EIF2S2: variants seen among roughly 807,000 people sequenced by gnomAD.
EIF2S2 encodes the protein eukaryotic translation initiation factor 2 subunit 2.
EIF2S2 carries 4 observed loss-of-function variants against 44.0 expected under a neutral mutation model. The observed-to-expected ratio is 0.09, with a 90% CI of 0.04 to 0.21. The LOEUF is 0.21. EIF2S2 is among the 10% of genes least tolerant of loss of function. EIF2S2 has a pLI of 1.00. For missense variants in EIF2S2, 154 were observed against 392.0 expected (o/e 0.39, Z 5.13); for synonymous variants, 108 against 128.3 (o/e 0.84, Z 1.07).
intron 5 of EIF2S2, among the ~76,000 whole-genome samples, 161 bp downstream of exon 5, chr20:34,097,255 C>T (rs566304034): frequency 1.1e-4 from 17 of 152,220 alleles, no homozygotes; most frequent in Admixed American, 5.2e-4. Context: ...GGCTGCCCCA[C>T]GGGTGCGCAC....
intron 1 of EIF2S2, chr20:34,108,027 G>A (rs1307966139): frequency 6.6e-6 from 1 of 152,170 alleles, no homozygotes; most frequent in Admixed American, 6.5e-5. Flanking sequence ...TAGAAATAGG[G>A]AGACTTGGCA....
chr20:34,104,896 TTTATAG>T (rs1281552274), intron 2 of EIF2S2, among the ~76,000 whole-genome samples: 1 of 152,250 alleles, frequency 6.6e-6, no homozygotes, highest in Non-Finnish European at 1.5e-5. Context: ...ACATACAATG[TTTATAG>T]AAACATTTCT....
intron 3 of EIF2S2, among the ~76,000 whole-genome samples, chr20:34,099,725 G>A (rs1158490333): frequency 6.6e-6 from 1 of 152,068 alleles, no homozygotes; most frequent in Non-Finnish European, 1.5e-5. Context: ...TCCCACATTC[G>A]CCATCAAGAG....
chr20:34,096,786 T>C lies in EIF2S2; in HGVS notation c.554A>G (p.Asn185Ser). 1.9e-6 allele frequency: 3 copies of C among 1,609,302 alleles called. No individual in the cohort carries two copies. Among genetic ancestry groups the C allele is most frequent in the South Asian group, 1.1e-5 (1 of 89,992 alleles). ...ATCTGGATTCTTTTCCCTCATGATG[T>C]TGAACACTCGATTCAGCAGCTATAA... ...TYEELLNRVFNIMREKNPDMV... is the reference protein window; with the variant it reads ...TYEELLNRVFSIMREKNPDMV... Residue 185 changes from asparagine to serine, a missense_variant, in exon 6 of 9, where the codon AAC (asparagine) becomes AGC (serine). By Grantham distance (46) the Asn-to-Ser change is conservative (BLOSUM62 1). Transcript: ENST00000374980.
chr20:34,111,605 T>C (rs574296576), intron 1 of EIF2S2, among the ~76,000 whole-genome samples: 1 of 152,156 alleles, frequency 6.6e-6, no homozygotes, highest in South Asian at 2.1e-4. Flanking sequence ...TAAAAAACAA[T>C]GCTAGGAAGG....
intron 7 of EIF2S2, among the ~76,000 whole-genome samples, chr20:34,091,978 TAAACTGATAGG>T (rs2034171290): frequency 6.6e-6 from 1 of 152,156 alleles, no homozygotes. Flanking sequence ...TACTTAATGA[TAAACTGATAGG>T]AAACTGTTGA....
intron 1 of EIF2S2, among the ~76,000 whole-genome samples, chr20:34,110,207 GA>G (rs1555813938): frequency 3.3e-5 from 5 of 152,022 alleles, no homozygotes; most frequent in Non-Finnish European, 5.9e-5. Context: ...TCCACTCTGG[GA>G]AAGTCCTTGG....
In EIF2S2 at chr20:34,088,482, AC is replaced by A. The variant is rs1329590668; in HGVS notation, c.*1247del. ...TGGGTTGAGGGCCCTCTACTGCTTT[AC>A]CCATCACCCTCCACTGTTTTAGCCA... On this transcript the variant is annotated 3_prime_UTR_variant, in exon 9 of 9. Coordinates refer to ENST00000374980, the MANE Select transcript of EIF2S2 (RefSeq NM_003908.5). The A allele has an allele frequency of 1.3e-5, 2 of 152,546 alleles. No homozygotes were observed. Among genetic ancestry groups the A allele is most frequent in the African/African-American group, 4.8e-5 (2 of 41,424 alleles). The allele number at this position is 152,546 out of a possible 1,614,324, so 9.4% of individuals were successfully genotyped here. A position where few individuals can be genotyped will look rare whatever the true frequency, so the allele number is the denominator to read the frequency against.
intron 3 of EIF2S2, 42 bp from the exon 4 acceptor site, chr20:34,098,675 ATTCTTTT>A: frequency 6.3e-7 from 1 of 1,580,920 alleles, no homozygotes; most frequent in Non-Finnish European, 8.6e-7. Context: ...TACTGGGACT[ATTCTTTT>A]TTATTTATTT....
chr20:34,104,437 G>A (rs1445086488), intron 2 of EIF2S2, among the ~76,000 whole-genome samples: 1 of 152,116 alleles, frequency 6.6e-6, no homozygotes, highest in African/African-American at 2.4e-5. Flanking sequence ...TACTCCAACT[G>A]AGGTACTTAT....
intron 8 of EIF2S2, 21 bp from the exon 9 acceptor site, chr20:34,089,926 A>G (rs2034143603): frequency 2.5e-6 from 4 of 1,612,894 alleles, no homozygotes; most frequent in Non-Finnish European, 3.4e-6. Flanking sequence ...AGCAACACAC[A>G]GAATTACCTG....
chr20:34,109,081 C>A (rs964623316), intron 1 of EIF2S2, among the ~76,000 whole-genome samples: 1 of 152,144 alleles, frequency 6.6e-6, no homozygotes, highest in African/African-American at 2.4e-5. Flanking sequence ...CATGTGAATG[C>A]CACCATGCCT....
intron 1 of EIF2S2, among the ~76,000 whole-genome samples, chr20:34,109,064 G>A (rs1170659819): frequency 6.6e-6 from 1 of 152,050 alleles, no homozygotes; most frequent in East Asian, 1.9e-4. Flanking sequence ...CTGAGTAGCT[G>A]AGATTACATG....
rs6059663 is a variant in EIF2S2, at chr20:34,088,317, G to C, written c.*1413C>G. On this transcript the variant is annotated 3_prime_UTR_variant, in exon 9 of 9. Transcript: ENST00000374980. Reference sequence around the variant, plus strand: ...AAGCAATGGAGCGTTAATTACATAAGAGGCACTGATCCTTGCTTTATTCAT... The same window carrying C: ...AAGCAATGGAGCGTTAATTACATAACAGGCACTGATCCTTGCTTTATTCAT... The C allele has an allele frequency of 9.4e-4, 144 of 152,758 alleles. 1 individual carries two copies. The highest frequency in any genetic ancestry group is 3.0e-3 in the African/African-American group (126 of 41,564). The allele number at this position is 152,758 out of a possible 1,614,324, so 9.5% of individuals were successfully genotyped here. A position where few individuals can be genotyped will look rare whatever the true frequency, so the allele number is the denominator to read the frequency against.
At chr20:34,095,752 G>T (rs980366225) in intron 6 of EIF2S2, among the ~76,000 whole-genome samples, 1 of 152,240 alleles carries the variant, frequency 6.6e-6, no homozygotes, top group South Asian at 2.1e-4. Flanking sequence ...ATATATGTAA[G>T]TAATGACAAC....
At chr20:34,091,499 T>C (rs1159623217) in intron 7 of EIF2S2, among the ~76,000 whole-genome samples, 1 of 152,092 alleles carries the variant, frequency 6.6e-6, no homozygotes, top group Non-Finnish European at 1.5e-5. Context: ...GTTGATCACC[T>C]GAGGTCAGGT....
intron 6 of EIF2S2, among the ~76,000 whole-genome samples, chr20:34,095,555 G>A (rs1167158959): frequency 1.3e-5 from 2 of 152,074 alleles, no homozygotes; most frequent in African/African-American, 2.4e-5. Context: ...CTTGTGATCC[G>A]CCCACCTCGG....
chr20:34,105,576 CA>C, intron 1 of EIF2S2, 31 bp from the exon 2 acceptor site: 1 of 1,506,052 alleles, frequency 6.6e-7, no homozygotes, highest in Non-Finnish European at 8.9e-7. Context: ...AAAAAGGGAC[CA>C]AATGATTGTT....
chr20:34,089,993 C>G, intron 8 of EIF2S2, 88 bp from the exon 9 acceptor site: 1 of 1,423,104 alleles, frequency 7.0e-7, no homozygotes, highest in Non-Finnish European at 9.7e-7. Flanking sequence ...ACAAAGAACT[C>G]CACAAGCCCA....
Sources: allele counts gnomAD v4.1 joint callset (sites outside exome capture counted in the v4.1 genomes callset), GRCh38; gene constraint gnomAD v4.1.1; transcripts MANE v1.5; gene names NCBI Gene and HGNC (gene_info 2026-07-23, HGNC 2026-07-21).